Variants in DDX6 observed in about 807,000 individuals in gnomAD.
The protein encoded by DDX6 is probable ATP-dependent RNA helicase DDX6.
Under a neutral mutation model 60.6 loss-of-function variants are expected in DDX6, and 7 were observed. The observed-to-expected ratio is 0.12, with a 90% CI of 0.07 to 0.22. DDX6 has a LOEUF of 0.22. DDX6 is among the 10% of genes least tolerant of loss of function. DDX6 has a pLI of 1.00. For synonymous variants in DDX6, 207 were observed against 201.0 expected, an observed-to-expected ratio of 1.03 and a Z score of -0.25; for missense variants, 270 against 589.9, an observed-to-expected ratio of 0.46 and a Z score of 5.62.
intron 2 of DDX6, among the ~76,000 whole-genome samples, chr11:118,783,034 G>A (rs1341653898): frequency 1.3e-5 from 2 of 151,998 alleles, no homozygotes; most frequent in Non-Finnish European, 2.9e-5. Flanking sequence ...AAGATACAAT[G>A]CAAAACCTGA....
At chr11:118,779,772 A>C (rs1357150659) in intron 3 of DDX6, 36 bp from the exon 4 acceptor site, 1 of 1,451,314 alleles carries the variant, frequency 6.9e-7, no homozygotes, top group Non-Finnish European at 9.5e-7. Flanking sequence ...AAGAATAAAT[A>C]ACACTGTTGG....
chr11:118,758,663 C>G, intron 9 of DDX6, 111 bp downstream of exon 9: 1 of 1,361,670 alleles, frequency 7.3e-7, no homozygotes, highest in Non-Finnish European at 9.9e-7. Flanking sequence ...CCGTGCCAAG[C>G]CAGAAACACT....
intron 11 of DDX6, 145 bp downstream of exon 11, chr11:118,756,115 A>G (rs1443123337): frequency 1.7e-6 from 1 of 589,576 alleles, no homozygotes; most frequent in East Asian, 3.1e-5. Context: ...AGCTGACAAG[A>G]GTTCATTTTC....
chr11:118,750,072 A>G lies in DDX6; in HGVS notation c.*2033T>C, dbSNP rs1158058085. On this transcript the variant is annotated 3_prime_UTR_variant, in exon 14 of 14. Coordinates refer to ENST00000534980, the MANE Select transcript of DDX6 (RefSeq NM_004397.6). The stretch of plus-strand genomic sequence containing the variant: ...CAGAGTCAAAAAAGCAACTTCAAGT[A>G]ATTGATTCCTTTGTCCAAAAGAGTT... 2.0e-5 allele frequency: 3 copies of G among 152,636 alleles called. No homozygotes were observed. Among genetic ancestry groups the G allele is most frequent in the Non-Finnish European group, 4.4e-5 (3 of 68,044 alleles). The allele number at this position is 152,636 out of a possible 1,614,324, so 9.5% of individuals were successfully genotyped here.
intron 4 of DDX6, among the ~76,000 whole-genome samples, chr11:118,775,650 TAAC>T (rs1346873163): frequency 6.6e-6 from 1 of 152,210 alleles, no homozygotes; most frequent in Admixed American, 6.5e-5. Context: ...CATTTGATCT[TAAC>T]AATAAAAATC....
At chr11:118,769,170 G>A (rs1861452803) in intron 4 of DDX6, among the ~76,000 whole-genome samples, 1 of 151,898 alleles carries the variant, frequency 6.6e-6, no homozygotes, top group Non-Finnish European at 1.5e-5. Flanking sequence ...TCCAAGGTAA[G>A]ACTATATATA....
intron 1 of DDX6, chr11:118,788,876 T>C (rs1862169829): frequency 6.6e-6 from 1 of 151,938 alleles, no homozygotes; most frequent in Non-Finnish European, 1.5e-5. Context: ...ACACGGGGTG[T>C]TATCAAGTTG....
At chr11:118,777,244 T>A (rs1171398079) in intron 4 of DDX6, among the ~76,000 whole-genome samples, 1 of 151,150 alleles carries the variant, frequency 6.6e-6, no homozygotes, top group South Asian at 2.1e-4. Context: ...TCCACACATG[T>A]TGGCTCAATG....
Position 118,751,069 on chromosome 11 carries a change from A to ATG in DDX6, c.*1035_*1036insCA. 1 of 141,508 alleles carries ATG rather than the reference A, an allele frequency of 7.1e-6. No homozygotes were observed. The highest frequency in any genetic ancestry group is 2.0e-4 in the East Asian group (1 of 4,926). The allele number at this position is 141,508 out of a possible 1,614,324, so 8.8% of individuals were successfully genotyped here. On this transcript the variant is annotated 3_prime_UTR_variant, in exon 14 of 14. Coordinates refer to ENST00000534980, the MANE Select transcript of DDX6 (RefSeq NM_004397.6). ...TCCAAAAAAAAATATATATATATGT[A>ATG]TATATATATATATATATGAACCCAG...
rs1555161032 is a variant in DDX6 at position 118,765,077 on chromosome 11, C to T, written c.646+132G>A. On this transcript the variant is annotated intron_variant, in intron 6 of 13. Coordinates refer to ENST00000534980, the MANE Select transcript of DDX6 (RefSeq NM_004397.6). ...GTAATTTGTCTTTTTCGCTTGAATGCAGTGGTCATTTCCTTTTCTTACTGC... is the reference window on the plus strand; with the variant it reads ...GTAATTTGTCTTTTTCGCTTGAATGTAGTGGTCATTTCCTTTTCTTACTGC... 3 of 1,015,354 alleles carry T rather than the reference C, an allele frequency of 3.0e-6. No homozygotes were observed. The East Asian group carries it at 7.3e-5, about 25-fold the overall frequency. 62.9% of individuals were successfully genotyped at this position (1,015,354 alleles called of 1,614,324 possible). A position where few individuals can be genotyped will look rare whatever the true frequency, so the allele number is the denominator to read the frequency against.
intron 4 of DDX6, among the ~76,000 whole-genome samples, chr11:118,771,062 T>A (rs142187199): frequency 1.5e-3 from 234 of 152,316 alleles, no homozygotes; most frequent in African/African-American, 5.6e-3. Flanking sequence ...TTCCAGTTGT[T>A]CCAGAGGCTC....
intron 4 of DDX6, among the ~76,000 whole-genome samples, chr11:118,779,014 G>A (rs184533869): frequency 3.3e-5 from 5 of 152,022 alleles, no homozygotes; most frequent in African/African-American, 9.6e-5. Flanking sequence ...AAAATTAGCC[G>A]GGTGTTGTGG....
intron 13 of DDX6, among the ~76,000 whole-genome samples, chr11:118,753,336 C>CTTTTT (rs34191912): frequency 4.5e-5 from 3 of 67,400 alleles, no homozygotes; most frequent in African/African-American, 6.0e-5. Context: ...GCCCAAGTGG[C>CTTTTT]TTTTTTTTTT....
chr11:118,754,994 G>T, intron 12 of DDX6, 107 bp from the exon 13 acceptor site: 1 of 998,288 alleles, frequency 1.0e-6, no homozygotes, highest in Non-Finnish European at 1.4e-6. Context: ...ATGATGTTCA[G>T]TGCCATTCTT....
At chr11:118,790,931 A>T (rs1862256241) in intron 1 of DDX6, 167 bp downstream of exon 1, 1 of 152,108 alleles carries the variant, frequency 6.6e-6, no homozygotes, top group Non-Finnish European at 1.5e-5. Flanking sequence ...TTTATTGTTG[A>T]CTCGAAGCTC....
chr11:118,771,559 A>G (rs143979689), intron 4 of DDX6, among the ~76,000 whole-genome samples: 1 of 152,250 alleles, frequency 6.6e-6, no homozygotes, highest in African/African-American at 2.4e-5. Context: ...AAGAGAATTC[A>G]AGTCAAGTTC....
At chr11:118,783,234 C>T (rs545560494) in intron 2 of DDX6, among the ~76,000 whole-genome samples, 22 of 152,150 alleles carry the variant, frequency 1.4e-4, no homozygotes, top group African/African-American at 4.8e-4. Context: ...GTAGGAAAAC[C>T]AGAAAAGAAA....
chr11:118,752,974 G>C (rs1555157788), intron 13 of DDX6, among the ~76,000 whole-genome samples: 1 of 151,816 alleles, frequency 6.6e-6, no homozygotes, highest in Non-Finnish European at 1.5e-5. Flanking sequence ...AATCAGAGTG[G>C]GTATTTTATT....
At chr11:118,775,204 C>G (rs1861657919) in intron 4 of DDX6, among the ~76,000 whole-genome samples, 1 of 151,958 alleles carries the variant, frequency 6.6e-6, no homozygotes, top group African/African-American at 2.4e-5. Flanking sequence ...AATCCCAAGT[C>G]ACTTGGGAGG....
Sources: allele counts gnomAD v4.1 joint callset (sites outside exome capture counted in the v4.1 genomes callset), GRCh38; gene constraint gnomAD v4.1.1; transcripts MANE v1.5; gene names NCBI Gene and HGNC (gene_info 2026-07-23, HGNC 2026-07-21).